APLP2: variants seen among roughly 807,000 people sequenced by gnomAD.
The protein encoded by APLP2 is amyloid beta precursor like protein 2.
A neutral mutation model predicts 89.9 loss-of-function variants in APLP2; 53 were observed. That is an observed-to-expected ratio of 0.59 (90% CI 0.47 to 0.74). The LOEUF (loss-of-function observed/expected upper bound fraction) is 0.74. Ranked by LOEUF, APLP2 falls within the 30% of genes least tolerant of loss-of-function variation. The pLI is 0.00. For missense variants in APLP2, 973 were observed against 975.9 expected, an observed-to-expected ratio of 1.00 and a Z score of 0.04; for synonymous variants, 372 against 348.6, an observed-to-expected ratio of 1.07 and a Z score of -0.75.
chr11:130,109,787 GTGTTC>G (rs1948308764), intron 2 of APLP2, 185 bp downstream of exon 2: 5 of 556,206 alleles, frequency 9.0e-6, no homozygotes, highest in Non-Finnish European at 1.5e-5. Context: ...CTTTGCCTGC[GTGTTC>G]TGTGAGCTCT....
At chr11:130,089,314 T>C (rs1385986020) in intron 1 of APLP2, among the ~76,000 whole-genome samples, 1 of 152,194 alleles carries the variant, frequency 6.6e-6, no homozygotes, top group Non-Finnish European at 1.5e-5. Flanking sequence ...AAAGTATGCA[T>C]AGCAGGGTCA....
chr11:130,110,428 T>C (rs1948399243), intron 2 of APLP2, 110 bp from the exon 3 acceptor site: 2 of 1,287,994 alleles, frequency 1.6e-6, no homozygotes, highest in African/African-American at 3.0e-5. Context: ...ACTTTAGATG[T>C]ATGTAGGATA....
chr11:130,126,516 A>G (rs1465386606), intron 7 of APLP2, among the ~76,000 whole-genome samples, 184 bp from the exon 8 acceptor site: 1 of 152,212 alleles, frequency 6.6e-6, no homozygotes. Context: ...GTTGATGAAT[A>G]TTGTGTAAGG....
intron 7 of APLP2, among the ~76,000 whole-genome samples, chr11:130,125,526 T>A (rs1469829121): frequency 1.3e-5 from 2 of 152,246 alleles, no homozygotes; most frequent in African/African-American, 4.8e-5. Context: ...AGGGCTCATA[T>A]TCTTCATGAC....
At position 130,092,197 on chromosome 11, in the gene APLP2, A is replaced by G. The variant is rs1945437132; in HGVS notation, c.106-17232A>G. Reference sequence around the variant, plus strand: ...GGAAGAGGCGCTCCTCACTTCCTAGATGGGATGGCGGCTGGGCGGAGACGC... The same window carrying G: ...GGAAGAGGCGCTCCTCACTTCCTAGGTGGGATGGCGGCTGGGCGGAGACGC... On this transcript the variant is annotated intron_variant, in intron 1 of 16. Coordinates refer to ENST00000338167, the MANE Select transcript of APLP2 (RefSeq NM_001142276.2). 2.2e-5 allele frequency among the ~76,000 whole-genome samples: 3 copies of G among 139,510 alleles called. No homozygotes were observed. In the South Asian group the frequency reaches 6.6e-4, roughly 31 times the overall value. The allele number at this position is 139,510 out of a possible 152,430, so 91.5% of individuals were successfully genotyped here. A position where few individuals can be genotyped will look rare whatever the true frequency, so the allele number is the denominator to read the frequency against.
At chr11:130,106,041 T>G (rs1393807956) in intron 1 of APLP2, among the ~76,000 whole-genome samples, 1 of 152,188 alleles carries the variant, frequency 6.6e-6, no homozygotes, top group Non-Finnish European at 1.5e-5. Flanking sequence ...GCAGGAGCCT[T>G]GCTGTTGTAA....
intron 1 of APLP2, among the ~76,000 whole-genome samples, chr11:130,097,669 CT>C (rs1375067537): frequency 6.6e-6 from 1 of 152,144 alleles, no homozygotes; most frequent in African/African-American, 2.4e-5. Context: ...CAGAGTGAAA[CT>C]CTGGCTCAGA....
At chr11:130,117,589 G>C (rs1223633984) in intron 3 of APLP2, among the ~76,000 whole-genome samples, 1 of 152,060 alleles carries the variant, frequency 6.6e-6, no homozygotes, top group Non-Finnish European at 1.5e-5. Flanking sequence ...ATTTTTAGTA[G>C]AGGTGGGGTG....
intron 1 of APLP2, among the ~76,000 whole-genome samples, chr11:130,094,111 T>TG (rs1202793700): frequency 2.1e-5 from 3 of 140,750 alleles, no homozygotes; most frequent in Non-Finnish European, 4.5e-5. Context: ...TGGAGTGCAA[T>TG]GGGGCGATCT....
rs1949713772 is a variant in APLP2 at position 130,120,699 on chromosome 11, T to C, written c.404-7T>C. 6.2e-7 allele frequency: 1 copy of C among 1,608,860 alleles called. No individual in the cohort carries two copies. The highest frequency in any genetic ancestry group is 8.5e-7 in the Non-Finnish European group (1 of 1,175,224). ...AGATCCGCTCTGACAAAGATTCTCT[T>C]TTCCAGTGGGTGAATTTGTAAGTGA... On this transcript the variant is annotated splice_region_variant and splice_polypyrimidine_tract_variant and intron_variant, in intron 3 of 16. Coordinates refer to ENST00000338167, the MANE Select transcript of APLP2 (RefSeq NM_001142276.2).
Position 130,126,730 on chromosome 11 carries a change from T to C in APLP2, c.1121T>C (p.Val374Ala), listed in dbSNP as rs1254202252. 45 of 1,614,092 alleles carry C rather than the reference T, an allele frequency of 2.8e-5. No homozygotes were observed. The highest frequency in any genetic ancestry group is 6.6e-5 in the South Asian group (6 of 91,090). The stretch of plus-strand genomic sequence containing the variant: ...CCAACTCCTCTGCCAACCAATGATG[T>C]TGATGTGTATTTCGAGACCTCTGCA... ...IPPTPLPTNDVDVYFETSADD... is the reference protein window; with the variant it reads ...IPPTPLPTNDADVYFETSADD... The change falls in exon 8 of 17, where the codon GTT becomes GCT. Residue 374 changes from valine (V) to alanine (A), a missense_variant. Physicochemically the swap from Val to Ala is moderately conservative, Grantham distance 64. Coordinates refer to ENST00000338167, the MANE Select transcript of APLP2 (RefSeq NM_001142276.2).
chr11:130,126,832 T>TA lies in APLP2; in HGVS notation c.1221+5dup, dbSNP rs1950423296. ...CGGCACCGCAACCGAATGGACAGGG[T>TA]AAACCTTGACAATTTCTTCATCTTC... On this transcript the variant is annotated splice_region_variant and intron_variant, in intron 8 of 16. Coordinates refer to ENST00000338167, the MANE Select transcript of APLP2 (RefSeq NM_001142276.2). 1.2e-6 allele frequency: 2 copies of TA among 1,614,066 alleles called. No homozygotes were observed. The highest frequency in any genetic ancestry group is 4.5e-5 in the East Asian group (2 of 44,874).
At chr11:130,107,043 T>A (rs1318063265) in intron 1 of APLP2, among the ~76,000 whole-genome samples, 1 of 152,194 alleles carries the variant, frequency 6.6e-6, no homozygotes, top group Non-Finnish European at 1.5e-5. Flanking sequence ...CTTAAGACAT[T>A]TGGGAATGTG....
intron 1 of APLP2, among the ~76,000 whole-genome samples, chr11:130,082,016 G>C (rs181058976): frequency 6.6e-6 from 1 of 152,142 alleles, no homozygotes; most frequent in African/African-American, 2.4e-5. Flanking sequence ...GTAGGGCACC[G>C]TGACAGAACA....
chr11:130,121,074 C>T (rs916261559), intron 4 of APLP2, among the ~76,000 whole-genome samples: 1 of 152,182 alleles, frequency 6.6e-6, no homozygotes, highest in African/African-American at 2.4e-5. Context: ...ATACTGTATG[C>T]TGCTGGTGAG....
At chr11:130,103,225 C>G (rs565766566) in intron 1 of APLP2, among the ~76,000 whole-genome samples, 1 of 152,278 alleles carries the variant, frequency 6.6e-6, no homozygotes, top group South Asian at 2.1e-4. Context: ...CTTTTACACC[C>G]TAGGTAGGGT....
At chr11:130,091,371 C>T (rs1945128016) in intron 1 of APLP2, among the ~76,000 whole-genome samples, 1 of 147,570 alleles carries the variant, frequency 6.8e-6, no homozygotes, top group Non-Finnish European at 1.5e-5. Context: ...GGGGGGCCGA[C>T]CCCCCTACCT....
chr11:130,103,622 A>G, intron 1 of APLP2, among the ~76,000 whole-genome samples: 1 of 152,226 alleles, frequency 6.6e-6, no homozygotes, highest in East Asian at 1.9e-4. Context: ...TTTAGCCAAC[A>G]ACCATAATGA....
At chr11:130,093,512 G>A (rs1338801316) in intron 1 of APLP2, among the ~76,000 whole-genome samples, 1 of 152,130 alleles carries the variant, frequency 6.6e-6, no homozygotes, top group Non-Finnish European at 1.5e-5. Context: ...CTTCCAGAAG[G>A]AGAAAACAAA....
Sources: gnomAD v4.1 joint callset for allele counts (sites outside exome capture counted in the v4.1 genomes callset) on GRCh38, gnomAD v4.1.1 for gene constraint, MANE v1.5 for transcripts, NCBI Gene and HGNC (gene_info 2026-07-23, HGNC 2026-07-21) for gene names.